Variants in NAV2 observed in about 807,000 individuals in gnomAD.
NAV2 encodes the protein helicase, APC down-regulated 1.
In NAV2, 54 loss-of-function variants were observed where a neutral mutation model predicts 223.2. The ratio of observed to expected loss-of-function variants is 0.24; its 90% CI spans 0.19 to 0.30. NAV2 has a LOEUF of 0.30. Among genes scored for constraint, NAV2 ranks in the 10% least tolerant of loss-of-function variants. The probability of loss-of-function intolerance (pLI) is 1.00; values close to 1 mark genes in which losing one functional copy is unlikely to be tolerated. For synonymous variants in NAV2, 1,279 were observed against 1,239.3 expected, an observed-to-expected ratio of 1.03 and a Z score of -0.67; for missense variants, 2,806 against 3,147.5, an observed-to-expected ratio of 0.89 and a Z score of 2.60.
In NAV2 at chr11:19,713,472, G is replaced by C. The variant is rs1230986252; in HGVS notation, c.-224G>C. The C allele has an allele frequency of 7.5e-6, 10 of 1,340,984 alleles. No individual in the cohort carries two copies. The highest frequency in any genetic ancestry group is 9.5e-6 in the Non-Finnish European group (10 of 1,052,210). The allele number at this position is 1,340,984 out of a possible 1,614,324, so 83.1% of individuals were successfully genotyped here. A position where few individuals can be genotyped will look rare whatever the true frequency, so the allele number is the denominator to read the frequency against. On this transcript the variant is annotated 5_prime_UTR_variant, in exon 1 of 38. Transcript: ENST00000349880. The surrounding 1 kb of genome is among the most constrained non-coding windows in gnomAD (Gnocchi z 7.2). The stretch of plus-strand genomic sequence containing the variant: ...GGCAGCATCCGTCCAGGTGGGACCC[G>C]CTGAGCGCCGTGGCCAGTCCCCCAT...
intron 1 of NAV2, among the ~76,000 whole-genome samples, chr11:19,562,729 C>T (rs1459993618): frequency 6.6e-6 from 1 of 152,148 alleles, no homozygotes; most frequent in African/African-American, 2.4e-5. Flanking sequence ...TGGATTTACG[C>T]AGCACTAAAG....
At chr11:19,488,407 A>T (rs527931579) in intron 1 of NAV2, among the ~76,000 whole-genome samples, 1 of 152,352 alleles carries the variant, frequency 6.6e-6, no homozygotes, top group Non-Finnish European at 1.5e-5. Context: ...ATGGATAGAG[A>T]GTATTCTCAT....
intron 1 of NAV2, among the ~76,000 whole-genome samples, chr11:19,715,691 C>T (rs968132182): frequency 2.0e-5 from 3 of 152,046 alleles, no homozygotes; most frequent in African/African-American, 4.8e-5. Flanking sequence ...TCACCCTGTC[C>T]GTGAAAAAAA....
chr11:19,499,461 C>T (rs982470009), intron 1 of NAV2, among the ~76,000 whole-genome samples: 4 of 152,154 alleles, frequency 2.6e-5, no homozygotes, highest in Admixed American at 6.5e-5. Context: ...TGTTGTGAGT[C>T]GTTTCTAAGG....
intron 27 of NAV2, among the ~76,000 whole-genome samples, 159 bp from the exon 28 acceptor site, chr11:20,092,047 C>G (rs958806494): frequency 3.2e-4 from 49 of 152,206 alleles, no homozygotes; most frequent in Non-Finnish European, 5.9e-5. Flanking sequence ...ATGTCTACCG[C>G]AGGGTTAGCA....
intron 1 of NAV2, among the ~76,000 whole-genome samples, chr11:19,761,434 T>G (rs894015345): frequency 6.6e-6 from 1 of 152,094 alleles, no homozygotes; most frequent in Non-Finnish European, 1.5e-5. Context: ...CAGGGGCAAC[T>G]TTGGATGAGG....
rs141481618 is a variant in NAV2, at chr11:19,706,974, C to T, written c.76-125510C>T. On this transcript the variant is annotated intron_variant, in intron 1 of 37. Coordinates refer to the NAV2 transcript ENST00000360655. ...ATGTACTGATTACCATAGGTAATTA[C>T]AACACAATGGTATTTGTGTATCTAA... Among the ~76,000 whole-genome samples the T allele has an allele frequency of 3.6e-3, 550 of 152,186 alleles. 2 individuals carry two copies. The highest frequency in any genetic ancestry group is 0.013 in the African/African-American group (531 of 41,512).
At chr11:19,716,432 G>C (rs964728527) in intron 1 of NAV2, among the ~76,000 whole-genome samples, 4 of 152,184 alleles carry the variant, frequency 2.6e-5, no homozygotes, top group Non-Finnish European at 2.9e-5. Flanking sequence ...AAAGTGTTCA[G>C]TGCAGTGTCT....
intron 1 of NAV2, among the ~76,000 whole-genome samples, chr11:19,547,046 C>T (rs981286107): frequency 6.6e-6 from 1 of 152,224 alleles, no homozygotes; most frequent in Non-Finnish European, 1.5e-5. Context: ...TGCACCGGAA[C>T]TGTGTCCTGC....
chr11:19,597,970 G>T (rs1048790411), intron 1 of NAV2, among the ~76,000 whole-genome samples: 7 of 152,370 alleles, frequency 4.6e-5, no homozygotes, highest in Admixed American at 1.3e-4. Context: ...CTGGGACATA[G>T]CATTCTCTGC....
At chr11:19,471,785 CT>C in intron 1 of NAV2, among the ~76,000 whole-genome samples, 1 of 152,320 alleles carries the variant, frequency 6.6e-6, no homozygotes. Flanking sequence ...GCGGGCCCTA[CT>C]GCACCTCCCC....
chr11:19,408,902 T>C (rs1285841994), intron 1 of NAV2, among the ~76,000 whole-genome samples: 1 of 151,250 alleles, frequency 6.6e-6, no homozygotes, highest in Non-Finnish European at 1.5e-5. Context: ...GGTTTTAAGC[T>C]GCATGGTAGG....
intron 1 of NAV2, among the ~76,000 whole-genome samples, chr11:19,362,690 A>G (rs952450073): frequency 2.6e-5 from 4 of 152,106 alleles, no homozygotes; most frequent in African/African-American, 7.2e-5. Context: ...CAAATCTACC[A>G]TTTCTTGGAC....
chr11:19,487,369 G>A (rs1394019779), intron 1 of NAV2, among the ~76,000 whole-genome samples: 1 of 152,146 alleles, frequency 6.6e-6, no homozygotes, highest in East Asian at 1.9e-4. Context: ...CATTTGACAC[G>A]TTTCCAATGA....
chr11:19,936,623 G>A (rs2045930434), intron 7 of NAV2, among the ~76,000 whole-genome samples: 1 of 152,198 alleles, frequency 6.6e-6, no homozygotes, highest in African/African-American at 2.4e-5. Context: ...ATACGAATCA[G>A]GACACCTGGG....
intron 1 of NAV2, among the ~76,000 whole-genome samples, chr11:19,816,614 T>A (rs1352422876): frequency 2.0e-5 from 3 of 152,220 alleles, no homozygotes; most frequent in Non-Finnish European, 2.9e-5. Context: ...AGAGTTTAAG[T>A]GACTTGCCTG....
chr11:20,053,687 C>A (rs148050937), intron 17 of NAV2, among the ~76,000 whole-genome samples: 1 of 152,336 alleles, frequency 6.6e-6, no homozygotes, highest in Non-Finnish European at 1.5e-5. Flanking sequence ...ATGGCAGATG[C>A]CATGAGTTGT....
chr11:20,022,077 A>G (rs939919011), intron 11 of NAV2, among the ~76,000 whole-genome samples: 9 of 152,180 alleles, frequency 5.9e-5, no homozygotes, highest in African/African-American at 2.2e-4. Context: ...TCTTGGGGAA[A>G]GTCTTTGAAA....
intron 1 of NAV2, among the ~76,000 whole-genome samples, chr11:19,562,022 G>A (rs890452919): frequency 2.0e-5 from 3 of 152,202 alleles, no homozygotes; most frequent in Non-Finnish European, 4.4e-5. Context: ...AGAGATGCAG[G>A]CACTAAGCCT....
Sources: allele counts gnomAD v4.1 joint callset (sites outside exome capture counted in the v4.1 genomes callset), GRCh38; gene constraint gnomAD v4.1.1; non-coding constraint Gnocchi (gnomAD v3.1); transcripts MANE v1.5; gene names NCBI Gene and HGNC (gene_info 2026-07-23, HGNC 2026-07-21).